HACD1: variants seen among roughly 807,000 people sequenced by gnomAD.
HACD1 encodes the protein 3-hydroxyacyl-CoA dehydratase 1.
HACD1 carries 41 observed loss-of-function variants against 32.0 expected under a neutral mutation model. The ratio of observed to expected loss-of-function variants is 1.28; its 90% CI spans 1.00 to 1.66. The LOEUF is 1.66. Ranked by LOEUF, HACD1 falls within the 40% of genes most tolerant of loss-of-function variation. The pLI is 0.00. For missense variants in HACD1, 396 were observed against 380.1 expected (o/e 1.04, Z -0.35); for synonymous variants, 142 against 139.0 (o/e 1.02, Z -0.15).
At chr10:17,599,486 T>C (rs1834040103) in intron 4 of HACD1, 75 bp from the exon 5 acceptor site, 1 of 1,491,604 alleles carries the variant, frequency 6.7e-7, no homozygotes, top group Non-Finnish European at 8.9e-7. Context: ...ACTTTACTTA[T>C]TTATTGCCTT....
At position 17,589,538 on chromosome 10, in the gene HACD1, C is replaced by T. The variant is rs1833903539; in HGVS notation, c.*826G>A. 6.6e-6 allele frequency: 1 copy of T among 152,124 alleles called. No homozygotes were observed. Among genetic ancestry groups the T allele is most frequent in the South Asian group, 2.1e-4 (1 of 4,820 alleles). 9.4% of individuals were successfully genotyped at this position (152,124 alleles called of 1,614,324 possible). On this transcript the variant is annotated 3_prime_UTR_variant, in exon 7 of 7. Transcript: ENST00000361271. ...CTTCTGGGCTCAAACGATCCTCCTG[C>T]CTCAGTCTTCCAAAGTGCTGGGATT...
chr10:17,597,988 A>G (rs1470847873), intron 5 of HACD1, among the ~76,000 whole-genome samples: 2 of 152,112 alleles, frequency 1.3e-5, no homozygotes, highest in Non-Finnish European at 2.9e-5. Flanking sequence ...GGCCAGGCGC[A>G]GTGGCTCACA....
At position 17,600,362 on chromosome 10, in the gene HACD1, C is replaced by T. The variant is rs1284905751; in HGVS notation, c.484-951G>A. Among the ~76,000 whole-genome samples the T allele has an allele frequency of 1.4e-4, 21 of 152,220 alleles. No individual in the cohort carries two copies. In the East Asian group the frequency reaches 1.7e-3, roughly 13 times the overall value. ...AGCTTATTTATTTATTTATGTGAGA[C>T]GGAGTCTTGCTGTGTCACCCGGGCT... On this transcript the variant is annotated intron_variant, in intron 4 of 6. Coordinates refer to ENST00000361271, the MANE Select transcript of HACD1 (RefSeq NM_014241.4).
intron 4 of HACD1, chr10:17,603,023 G>A (rs1200964872): frequency 6.6e-6 from 1 of 152,340 alleles, no homozygotes; most frequent in African/African-American, 2.4e-5. Context: ...GAGTAGCTGG[G>A]ATTCCAGGTG....
intron 1 of HACD1, among the ~76,000 whole-genome samples, chr10:17,611,186 G>A (rs1554817462): frequency 1.3e-5 from 2 of 151,980 alleles, no homozygotes; most frequent in Non-Finnish European, 2.9e-5. Flanking sequence ...ATTTTTAGTA[G>A]AGACAGGGTT....
At chr10:17,612,105 C>CAAAAA (rs34058469) in intron 1 of HACD1, among the ~76,000 whole-genome samples, 2 of 105,096 alleles carry the variant, frequency 1.9e-5, no homozygotes, top group African/African-American at 3.5e-5. Flanking sequence ...AACTCCATCT[C>CAAAAA]AAAAAAAAAA....
chr10:17,593,664 A>G (rs977706491), intron 6 of HACD1, among the ~76,000 whole-genome samples: 15 of 152,202 alleles, frequency 9.9e-5, no homozygotes, highest in Admixed American at 8.5e-4. Flanking sequence ...ATTCACTTCA[A>G]CTGCTGAAAG....
rs139039176 is a variant in HACD1, at chr10:17,607,378, G to A, written c.258-3331C>T. On this transcript the variant is annotated intron_variant, in intron 1 of 6. Coordinates refer to ENST00000361271, the MANE Select transcript of HACD1 (RefSeq NM_014241.4). The stretch of plus-strand genomic sequence containing the variant: ...CTGGACTGATCCTACAGCACTCATC[G>A]GAATCATGCTTTAGGTACCTTCCAC... 1.4e-3 allele frequency among the ~76,000 whole-genome samples: 213 copies of A among 152,184 alleles called. 1 individual carries two copies. Among genetic ancestry groups the A allele is most frequent in the African/African-American group, 4.6e-3 (190 of 41,520 alleles).
At chr10:17,592,466 A>C (rs1833941514) in intron 6 of HACD1, among the ~76,000 whole-genome samples, 1 of 152,208 alleles carries the variant, frequency 6.6e-6, no homozygotes, top group Non-Finnish European at 1.5e-5. Context: ...GAATTAAAAA[A>C]AAATGCAGTG....
chr10:17,605,534 A>G (rs1834134367), intron 1 of HACD1, among the ~76,000 whole-genome samples: 1 of 151,626 alleles, frequency 6.6e-6, no homozygotes, highest in African/African-American at 2.4e-5. Context: ...CGGGAAAAAA[A>G]AAAAAAAAGT....
chr10:17,605,061 G>C (rs1317125888), intron 1 of HACD1, among the ~76,000 whole-genome samples: 1 of 152,144 alleles, frequency 6.6e-6, no homozygotes, highest in South Asian at 2.1e-4. Context: ...CATAGAGACA[G>C]AAAGTAGGAT....
chr10:17,605,428 G>C (rs2131514506), intron 1 of HACD1, among the ~76,000 whole-genome samples: 1 of 151,874 alleles, frequency 6.6e-6, no homozygotes, highest in Admixed American at 6.6e-5. Context: ...CGGAGGCTGA[G>C]GCAGGAGAAT....
intron 5 of HACD1, among the ~76,000 whole-genome samples, chr10:17,596,758 G>C (rs1178577355): frequency 6.6e-6 from 1 of 151,618 alleles, no homozygotes; most frequent in Non-Finnish European, 1.5e-5. Flanking sequence ...AAATTTTTTT[G>C]AAGGGAGTGC....
At position 17,590,221 on chromosome 10, in the gene HACD1, G is replaced by T. The variant is rs782046385; in HGVS notation, c.*143C>A. 22 of 544,610 alleles carry T rather than the reference G, an allele frequency of 4.0e-5. No homozygotes were observed. Among genetic ancestry groups the T allele is most frequent in the Non-Finnish European group, 6.0e-5 (19 of 315,068 alleles). 33.7% of individuals were successfully genotyped at this position (544,610 alleles called of 1,614,324 possible). A position where few individuals can be genotyped will look rare whatever the true frequency, so the allele number is the denominator to read the frequency against. On this transcript the variant is annotated 3_prime_UTR_variant, in exon 7 of 7. Coordinates refer to ENST00000361271, the MANE Select transcript of HACD1 (RefSeq NM_014241.4). ...CTGGCACAAGAGGAACACAAATACT[G>T]GCAAATACCACGTGTCTCAAGTTAT...
intron 4 of HACD1, among the ~76,000 whole-genome samples, chr10:17,600,934 C>T (rs1307469069): frequency 6.6e-6 from 1 of 152,136 alleles, no homozygotes; most frequent in Admixed American, 6.5e-5. Context: ...AGCACACTGC[C>T]GGGCACAGAT....
At chr10:17,612,743 A>G (rs1203804856) in intron 1 of HACD1, among the ~76,000 whole-genome samples, 1 of 152,014 alleles carries the variant, frequency 6.6e-6, no homozygotes, top group Non-Finnish European at 1.5e-5. Flanking sequence ...ACACGGTGAA[A>G]TCCCGTATCT....
intron 1 of HACD1, among the ~76,000 whole-genome samples, chr10:17,613,100 GTGTGTGT>G (rs1833015535): frequency 2.1e-3 from 17 of 8,014 alleles, no homozygotes; most frequent in African/African-American, 8.8e-3. Flanking sequence ...AATTTGGGGT[GTGTGTGT>G]GTGTGTGTGT....
chr10:17,591,181 G>A (rs572013324), intron 6 of HACD1, among the ~76,000 whole-genome samples: 3 of 152,190 alleles, frequency 2.0e-5, no homozygotes, highest in South Asian at 2.1e-4. Flanking sequence ...CTGCACATGT[G>A]TGAGGATACC....
At chr10:17,592,571 G>A (rs1833942769) in intron 6 of HACD1, among the ~76,000 whole-genome samples, 1 of 152,092 alleles carries the variant, frequency 6.6e-6, no homozygotes, top group African/African-American at 2.4e-5. Flanking sequence ...ACAGGCCAGA[G>A]TCTACATCTC....
Sources: allele counts gnomAD v4.1 joint callset (sites outside exome capture counted in the v4.1 genomes callset), GRCh38; gene constraint gnomAD v4.1.1; transcripts MANE v1.5; gene names NCBI Gene and HGNC (gene_info 2026-07-23, HGNC 2026-07-21).